LOC128092252: variants seen among roughly 807,000 people sequenced by gnomAD.
At chr15:50,680,993 C>A in the LOC128092252 span, among the ~76,000 whole-genome samples, 1 of 152,074 alleles carries the variant, frequency 6.6e-6, no homozygotes, top group African/African-American at 2.4e-5. Context: ...TGGCTCATGC[C>A]TGTAATCCCA....
chr15:50,674,906 A>G, the LOC128092252 span, among the ~76,000 whole-genome samples: 2 of 152,180 alleles, frequency 1.3e-5, no homozygotes, highest in African/African-American at 4.8e-5. Flanking sequence ...GCTGGAAACC[A>G]GAGTTGTTTC....
At chr15:50,682,899 C>CTT in the LOC128092252 span, among the ~76,000 whole-genome samples, 29 of 143,342 alleles carry the variant, frequency 2.0e-4, no homozygotes, top group East Asian at 4.1e-4. Flanking sequence ...CGGTACCAAA[C>CTT]TTTTTTTTTT....
At chr15:50,682,786 CT>C in the LOC128092252 span, among the ~76,000 whole-genome samples, 1 of 152,104 alleles carries the variant, frequency 6.6e-6, no homozygotes, top group Admixed American at 6.6e-5. Context: ...TGACACCCAT[CT>C]TAAGTTCTTT....
chr15:50,664,637 C>G, the LOC128092252 span, among the ~76,000 whole-genome samples: 50,009 of 152,074 alleles, frequency 0.33, 10,043 homozygotes, highest in Admixed American at 0.47. Flanking sequence ...AAGATTAACA[C>G]ATTTCCCTCA....
chr15:50,671,390 T>C, the LOC128092252 span, among the ~76,000 whole-genome samples: 8 of 152,196 alleles, frequency 5.3e-5, no homozygotes, highest in African/African-American at 1.7e-4. Flanking sequence ...CAGAATTTCC[T>C]TCTTTAAGAT....
At chr15:50,664,300 C>G in the LOC128092252 span, among the ~76,000 whole-genome samples, 2 of 135,840 alleles carry the variant, frequency 1.5e-5, no homozygotes, top group Non-Finnish European at 3.1e-5. Context: ...CAGAGCAAGA[C>G]TCCGTCTCAA....
At chr15:50,679,981 C>A in the LOC128092252 span, among the ~76,000 whole-genome samples, 2 of 151,512 alleles carry the variant, frequency 1.3e-5, no homozygotes, top group African/African-American at 4.8e-5. Flanking sequence ...CGCTTGTAAT[C>A]CCAGCACTTT....
the LOC128092252 span, among the ~76,000 whole-genome samples, chr15:50,649,756 T>C: frequency 6.6e-6 from 1 of 152,174 alleles, no homozygotes; most frequent in African/African-American, 2.4e-5. Context: ...GGCAGTCTCA[T>C]TGATTTGATA....
At chr15:50,677,446 A>G in the LOC128092252 span, among the ~76,000 whole-genome samples, 2 of 152,056 alleles carry the variant, frequency 1.3e-5, no homozygotes, top group Non-Finnish European at 2.9e-5. Context: ...ACAGGATTAA[A>G]AGAGAACCCA....
At chr15:50,651,551 C>A in the LOC128092252 span, among the ~76,000 whole-genome samples, 2 of 152,100 alleles carry the variant, frequency 1.3e-5, no homozygotes, top group South Asian at 2.1e-4. Flanking sequence ...AATCCCAGCA[C>A]TTTGGGAGGC....
At chr15:50,653,620 A>C in the LOC128092252 span, among the ~76,000 whole-genome samples, 6 of 152,348 alleles carry the variant, frequency 3.9e-5, no homozygotes, top group East Asian at 1.2e-3. Context: ...GCAATTTCTC[A>C]ATCATAGAGA....
At chr15:50,664,285 G>A in the LOC128092252 span, among the ~76,000 whole-genome samples, 1 of 146,226 alleles carries the variant, frequency 6.8e-6, no homozygotes, top group Admixed American at 6.9e-5. Context: ...ACTCCAGCCT[G>A]GCGACAGAGC....
chr15:50,662,037 G>A, the LOC128092252 span, among the ~76,000 whole-genome samples: 1 of 152,082 alleles, frequency 6.6e-6, no homozygotes, highest in East Asian at 1.9e-4. Flanking sequence ...GGCCAACATA[G>A]TAAAACCCTG....
chr15:50,669,787 A>C, the LOC128092252 span, among the ~76,000 whole-genome samples: 1 of 152,156 alleles, frequency 6.6e-6, no homozygotes, highest in African/African-American at 2.4e-5. Flanking sequence ...GTCCAGGAAA[A>C]AAAAAAGGGA....
the LOC128092252 span, among the ~76,000 whole-genome samples, chr15:50,651,632 A>G: frequency 6.6e-6 from 1 of 151,882 alleles, no homozygotes; most frequent in Non-Finnish European, 1.5e-5. Flanking sequence ...TCTGTCTCTA[A>G]ACGAAAAAAT....
chr15:50,659,994 ACAT>A, the LOC128092252 span, among the ~76,000 whole-genome samples: 1 of 152,106 alleles, frequency 6.6e-6, no homozygotes, highest in Non-Finnish European at 1.5e-5. Context: ...ATAAAGCAAA[ACAT>A]CAATTTCTCC....
At chr15:50,676,118 T>C in the LOC128092252 span, among the ~76,000 whole-genome samples, 1 of 152,182 alleles carries the variant, frequency 6.6e-6, no homozygotes, top group Non-Finnish European at 1.5e-5. Context: ...CCTTAAATTA[T>C]AAATTCTTAC....
the LOC128092252 span, among the ~76,000 whole-genome samples, chr15:50,672,106 G>A: frequency 6.6e-6 from 1 of 152,048 alleles, no homozygotes; most frequent in Non-Finnish European, 1.5e-5. Context: ...CCAGGCTGGA[G>A]TGCAGTGGCA....
chr15:50,667,685 C>T, the LOC128092252 span, among the ~76,000 whole-genome samples: 3 of 152,098 alleles, frequency 2.0e-5, no homozygotes, highest in Admixed American at 6.5e-5. Context: ...CCAGCCTGGG[C>T]AACAGAAGGA....
Sources: allele counts gnomAD v4.1 joint callset (sites outside exome capture counted in the v4.1 genomes callset), GRCh38; gene constraint gnomAD v4.1.1; transcripts MANE v1.5.